The following NIBAN3 variants were observed in gnomAD, a reference collection of about 807,000 sequenced individuals.
NIBAN3 encodes the protein protein Niban 3.
A neutral mutation model predicts 76.4 loss-of-function variants in NIBAN3; 66 were observed. The ratio of observed to expected loss-of-function variants is 0.86; its 90% CI spans 0.71 to 1.06. The LOEUF (loss-of-function observed/expected upper bound fraction) is 1.06, where lower values mean the gene tolerates loss of function less well. NIBAN3 is among the 50% of genes least tolerant of loss of function. The pLI is 0.00. For missense variants in NIBAN3, 808 were observed against 810.7 expected (o/e 1.00, Z 0.04); for synonymous variants, 360 against 355.2 (o/e 1.01, Z -0.15).
At chr19:17,553,689 T>G (rs140449099), downstream of NIBAN3, 4,120 of 799,832 alleles carry the variant, frequency 5.2e-3, 26 homozygotes, top group Non-Finnish European at 4.9e-3. Flanking sequence ...ATGTAGATGT[T>G]AATTCTGGAA....
At chr19:17,532,671 C>T (rs1025042718) in intron 3 of NIBAN3, among the ~76,000 whole-genome samples, 5 of 152,202 alleles carry the variant, frequency 3.3e-5, no homozygotes, top group Admixed American at 2.0e-4. Context: ...CACCTCTGGC[C>T]GCTCTGCTTT....
At chr19:17,533,137 C>T (rs115156725) in intron 3 of NIBAN3, among the ~76,000 whole-genome samples, 2,539 of 152,138 alleles carry the variant, frequency 0.017, 74 homozygotes, top group African/African-American at 0.056. Context: ...GGGCCAGGCA[C>T]GGTGGCTCAG....
chr19:17,524,734 A>G (rs1373934935), upstream of NIBAN3, among the ~76,000 whole-genome samples: 1 of 152,232 alleles, frequency 6.6e-6, no homozygotes. Flanking sequence ...AATGTCACAC[A>G]TTCTTCAGGA....
chr19:17,554,941 A>T (rs1448692416), downstream of NIBAN3, among the ~76,000 whole-genome samples: 2 of 151,324 alleles, frequency 1.3e-5, no homozygotes, highest in Non-Finnish European at 3.0e-5. Context: ...AAAAAAAAAA[A>T]AAAAAAGTGT....
intron 3 of NIBAN3, chr19:17,533,373 G>A (rs1169383185): frequency 2.6e-5 from 12 of 467,338 alleles, no homozygotes; most frequent in Admixed American, 7.9e-5. Flanking sequence ...TCGCGCCATC[G>A]CACTCCAGCC....
chr19:17,539,775 T>G lies in NIBAN3; in HGVS notation c.979+10T>G, dbSNP rs185458117. On this transcript the variant is annotated intron_variant, in intron 8 of 14. Transcript: ENST00000599164. ...GCGGGGCGGCTGAGGAGTGAGGCCC[T>G]GGGGCGGAGCCTGGGCTGGGAGGGG... 9.5e-4 allele frequency: 1,437 copies of G among 1,511,890 alleles called. 8 individuals carry two copies. The African/African-American group carries it at 0.017, about 18-fold the overall frequency. The allele number at this position is 1,511,890 out of a possible 1,614,324, so 93.7% of individuals were successfully genotyped here. A position where few individuals can be genotyped will look rare whatever the true frequency, so the allele number is the denominator to read the frequency against.
upstream of NIBAN3, among the ~76,000 whole-genome samples, chr19:17,524,912 G>T (rs1398638812): frequency 1.3e-5 from 2 of 152,206 alleles, no homozygotes; most frequent in African/African-American, 2.4e-5. Context: ...TTTATGGCCA[G>T]CCTGGGTTGC....
intron 13 of NIBAN3, 152 bp from the exon 14 acceptor site, chr19:17,549,292 C>T: frequency 1.5e-6 from 1 of 645,356 alleles, no homozygotes; most frequent in Non-Finnish European, 2.8e-6. Context: ...TTAGCAATGT[C>T]TGCCATGGGT....
In NIBAN3 at chr19:17,553,161, G is replaced by C; in HGVS notation, c.*1263G>C. On this transcript the variant is annotated 3_prime_UTR_variant, in exon 15 of 15. Coordinates refer to ENST00000599164, the MANE Select transcript of NIBAN3 (RefSeq NM_001321827.2). Reference sequence around the variant, plus strand: ...AATTTCAGTGAATTGCCTGTTCATAGCTTTTTTCTACTTTTCAGGAGTGTT... The same window carrying C: ...AATTTCAGTGAATTGCCTGTTCATACCTTTTTTCTACTTTTCAGGAGTGTT... 1 of 1,180,778 alleles carries C rather than the reference G, an allele frequency of 8.5e-7. No homozygotes were observed. Among genetic ancestry groups the C allele is most frequent in the South Asian group, 1.7e-5 (1 of 57,332 alleles). The allele number at this position is 1,180,778 out of a possible 1,614,324, so 73.1% of individuals were successfully genotyped here. A position where few individuals can be genotyped will look rare whatever the true frequency, so the allele number is the denominator to read the frequency against.
chr19:17,534,816 A>G (rs1023266397), intron 4 of NIBAN3, among the ~76,000 whole-genome samples: 21 of 151,956 alleles, frequency 1.4e-4, no homozygotes, highest in African/African-American at 5.1e-4. Context: ...AAGAAAAGAA[A>G]AGAAATTAGA....
At chr19:17,527,179 G>A, upstream of NIBAN3, 1 of 1,523,718 alleles carries the variant, frequency 6.6e-7, no homozygotes, top group Non-Finnish European at 8.9e-7. Flanking sequence ...CGGGCCCCAG[G>A]GGAGTGGGGA....
rs558868088 is a variant in NIBAN3, at chr19:17,549,480, G to C, written c.1703G>C (p.Cys568Ser). 2.5e-5 allele frequency: 40 copies of C among 1,613,844 alleles called. No individual in the cohort carries two copies. The highest frequency in any genetic ancestry group is 3.3e-5 in the Admixed American group (2 of 59,986). Residue 568 changes from cysteine (C) to serine (S), a missense_variant, in exon 14 of 15, where the codon TGC (cysteine) becomes TCC (serine). Coordinates refer to ENST00000599164, the MANE Select transcript of NIBAN3 (RefSeq NM_001321827.2). Reference protein sequence around the residue: ...KKTLGANDVSCTLDGCLEVPW... With the variant: ...KKTLGANDVSSTLDGCLEVPW... ...ACCCTTGGTGCCAATGATGTATCCT[G>C]CACTCTGGACGGCTGCTTGGAGGTC... is the stretch of plus-strand genomic sequence containing the variant.
intron 2 of NIBAN3, among the ~76,000 whole-genome samples, chr19:17,531,090 G>A (rs1164494947): frequency 6.6e-6 from 1 of 152,054 alleles, no homozygotes; most frequent in Non-Finnish European, 1.5e-5. Flanking sequence ...AAGGCAGGCG[G>A]ATCACCAGAG....
chr19:17,528,802 C>T (rs1258253523), intron 1 of NIBAN3, among the ~76,000 whole-genome samples: 1 of 152,050 alleles, frequency 6.6e-6, no homozygotes, highest in Non-Finnish European at 1.5e-5. Context: ...GGAGCTCCAG[C>T]CATTGGGTCT....
chr19:17,524,746 C>T (rs1310816121), upstream of NIBAN3, among the ~76,000 whole-genome samples: 1 of 152,232 alleles, frequency 6.6e-6, no homozygotes, highest in Non-Finnish European at 1.5e-5. Context: ...TCTTCAGGAA[C>T]CCCAGCTCCT....
Position 17,553,141 on chromosome 19 carries a change from C to A in NIBAN3, c.*1243C>A. ...TTTGTAGTTTTTTTTTTTTTAATTT[C>A]AGTGAATTGCCTGTTCATAGCTTTT... On this transcript the variant is annotated 3_prime_UTR_variant, in exon 15 of 15. Coordinates refer to ENST00000599164, the MANE Select transcript of NIBAN3 (RefSeq NM_001321827.2). 5 of 879,796 alleles carry A rather than the reference C, an allele frequency of 5.7e-6. No individual in the cohort carries two copies. Among genetic ancestry groups the A allele is most frequent in the Non-Finnish European group, 6.5e-6 (4 of 617,218 alleles). The allele number at this position is 879,796 out of a possible 1,614,324, so 54.5% of individuals were successfully genotyped here. A position where few individuals can be genotyped will look rare whatever the true frequency, so the allele number is the denominator to read the frequency against.
chr19:17,526,423 A>G (rs1296506309), upstream of NIBAN3, among the ~76,000 whole-genome samples: 4 of 151,954 alleles, frequency 2.6e-5, no homozygotes, highest in Admixed American at 1.3e-4. Flanking sequence ...TGGGCGGATC[A>G]CTTGAGTCCA....
chr19:17,544,821 A>G (rs1204706063), intron 12 of NIBAN3, among the ~76,000 whole-genome samples: 1 of 152,156 alleles, frequency 6.6e-6, no homozygotes, highest in East Asian at 1.9e-4. Flanking sequence ...CAGCTGAGAC[A>G]CTCATACTAT....
chr19:17,523,320 T>C (rs1173077808), upstream of NIBAN3: 10 of 931,136 alleles, frequency 1.1e-5, no homozygotes, highest in Middle Eastern at 2.2e-4. Flanking sequence ...GAGATGGGAA[T>C]TGAAACCTGC....
Sources: gnomAD v4.1 joint callset for allele counts (sites outside exome capture counted in the v4.1 genomes callset) on GRCh38, gnomAD v4.1.1 for gene constraint, MANE v1.5 for transcripts, NCBI Gene and HGNC (gene_info 2026-07-23, HGNC 2026-07-21) for gene names.